Variants in RBMS3 observed in about 807,000 individuals in gnomAD.
RBMS3 encodes RNA-binding motif, single-stranded-interacting protein 3.
In RBMS3, 27 loss-of-function variants were observed where a neutral mutation model predicts 66.8. The ratio of observed to expected loss-of-function variants is 0.40; its 90% confidence interval spans 0.30 to 0.56. The LOEUF (loss-of-function observed/expected upper bound fraction) is 0.56, where lower values mean the gene tolerates loss of function less well. Among genes scored for constraint, RBMS3 ranks in the 20% least tolerant of loss-of-function variants. The pLI is 0.40. For synonymous variants in RBMS3, 188 were observed against 183.0 expected (o/e 1.03, Z -0.22); for missense variants, 513 against 549.5 (o/e 0.93, Z 0.66).
intron 4 of RBMS3, chr3:29,614,403 G>A (rs1044486691): frequency 2.6e-5 from 4 of 152,212 alleles, no homozygotes; most frequent in Admixed American, 6.5e-5. Flanking sequence ...TGTACAACAT[G>A]ATGATTATTG....
intron 2 of RBMS3, among the ~76,000 whole-genome samples, chr3:29,468,876 A>G (rs2042628104): frequency 6.6e-6 from 1 of 152,142 alleles, no homozygotes; most frequent in African/African-American, 2.4e-5. Flanking sequence ...TTTGAAAATG[A>G]GGATGCTCTC....
At chr3:29,418,325 A>G (rs904229660) in intron 1 of RBMS3, among the ~76,000 whole-genome samples, 3 of 152,124 alleles carry the variant, frequency 2.0e-5, no homozygotes, top group African/African-American at 7.2e-5. Context: ...TGGGTCCAGG[A>G]TAGAAACTGG....
At chr3:29,879,155 T>G (rs2059680681) in intron 7 of RBMS3, among the ~76,000 whole-genome samples, 2 of 152,246 alleles carry the variant, frequency 1.3e-5, no homozygotes, top group Non-Finnish European at 1.5e-5. Context: ...ATTTTTAGTT[T>G]TATTTCCAGT....
At chr3:29,627,006 T>C (rs1052510187) in intron 4 of RBMS3, among the ~76,000 whole-genome samples, 1 of 152,208 alleles carries the variant, frequency 6.6e-6, no homozygotes, top group African/African-American at 2.4e-5. Flanking sequence ...CTACCCTCGT[T>C]CTGTCACTTT....
intron 4 of RBMS3, among the ~76,000 whole-genome samples, chr3:29,705,869 A>G (rs1257816871): frequency 1.3e-5 from 2 of 152,216 alleles, no homozygotes; most frequent in Non-Finnish European, 2.9e-5. Context: ...GTCACTATTC[A>G]CGTAACAAAC....
intron 4 of RBMS3, chr3:29,696,939 G>GGTTTTTTTTA: frequency 1.0e-6 from 1 of 981,900 alleles, no homozygotes; most frequent in Non-Finnish European, 1.2e-6. Flanking sequence ...GGTCGTTTGG[G>GGTTTTTTTTA]TTTTTTTTAA....
intron 11 of RBMS3, among the ~76,000 whole-genome samples, chr3:29,936,856 T>C (rs930979372): frequency 6.6e-6 from 1 of 151,930 alleles, no homozygotes; most frequent in Non-Finnish European, 1.5e-5. Context: ...TAAGAAAAAC[T>C]TTGTTTGATT....
intron 3 of RBMS3, among the ~76,000 whole-genome samples, chr3:29,514,461 A>ACAT (rs1260530258): frequency 3.1e-4 from 47 of 151,926 alleles, no homozygotes; most frequent in African/African-American, 1.1e-3. Flanking sequence ...TAGTAACCTG[A>ACAT]CATTTAGCAC....
chr3:29,980,300 G>A (rs1697897569), intron 12 of RBMS3, among the ~76,000 whole-genome samples: 1 of 151,700 alleles, frequency 6.6e-6, no homozygotes, highest in Admixed American at 6.6e-5. Context: ...TCTTGTAAAT[G>A]TGTGTAAGTT....
intron 4 of RBMS3, among the ~76,000 whole-genome samples, chr3:29,628,265 A>G (rs565665884): frequency 6.6e-6 from 1 of 152,286 alleles, no homozygotes; most frequent in South Asian, 2.1e-4. Flanking sequence ...CAACAATTTA[A>G]AAAATGGGCT....
intron 4 of RBMS3, among the ~76,000 whole-genome samples, chr3:29,690,616 T>C (rs1220176052): frequency 6.6e-6 from 1 of 152,220 alleles, no homozygotes; most frequent in Non-Finnish European, 1.5e-5. Flanking sequence ...ATCTCTACAT[T>C]CATGTTGCCA....
At chr3:29,770,422 T>C (rs1408290846) in intron 6 of RBMS3, among the ~76,000 whole-genome samples, 2 of 152,010 alleles carry the variant, frequency 1.3e-5, no homozygotes, top group Non-Finnish European at 2.9e-5. Context: ...GACCATATTT[T>C]TTCTATAGTT....
At chr3:29,735,127 C>T (rs1288387132) in intron 4 of RBMS3, among the ~76,000 whole-genome samples, 1 of 152,080 alleles carries the variant, frequency 6.6e-6, no homozygotes, top group East Asian at 1.9e-4. Flanking sequence ...CCAGACGTAA[C>T]CTTTGATCTA....
At chr3:29,897,247 C>T (rs1023394139) in intron 8 of RBMS3, 132 bp from the exon 9 acceptor site, 19 of 716,364 alleles carry the variant, frequency 2.7e-5, no homozygotes, top group Middle Eastern at 2.5e-4. Context: ...ATCTCCTAGA[C>T]GTTCTTGTTA....
intron 5 of RBMS3, among the ~76,000 whole-genome samples, chr3:29,761,129 C>T (rs2055667784): frequency 6.6e-6 from 1 of 152,046 alleles, no homozygotes; most frequent in African/African-American, 2.4e-5. Flanking sequence ...AACAGCAGAA[C>T]TTTAAACCAA....
intron 6 of RBMS3, among the ~76,000 whole-genome samples, chr3:29,857,770 C>T (rs543595481): frequency 1.4e-4 from 22 of 152,078 alleles, no homozygotes; most frequent in African/African-American, 4.1e-4. Flanking sequence ...CTCAATCAGA[C>T]GAGATCGGGC....
rs2040774813 is a variant in RBMS3, at chr3:29,422,282, T to A, written c.76-12461T>A. Among the ~76,000 whole-genome samples the A allele has an allele frequency of 2.0e-5, 3 of 152,102 alleles. No individual in the cohort carries two copies. The South Asian group carries it at 6.2e-4, about 32-fold the overall frequency. ...AGGGCAAATGCCCTTTAACTGCCAG[T>A]CTCTGAAGCTCAATTACTTCTTTAA... On this transcript the variant is annotated intron_variant, in intron 1 of 14. Transcript: ENST00000383767.
intron 2 of RBMS3, among the ~76,000 whole-genome samples, chr3:29,471,610 G>A (rs1288426144): frequency 6.6e-6 from 1 of 151,538 alleles, no homozygotes; most frequent in African/African-American, 2.4e-5. Context: ...CCTGGTAATA[G>A]AATCAGGCTT....
intron 4 of RBMS3, among the ~76,000 whole-genome samples, chr3:29,650,787 A>G (rs2050118424): frequency 6.6e-6 from 1 of 152,196 alleles, no homozygotes; most frequent in Non-Finnish European, 1.5e-5. Flanking sequence ...TATGTTAGCT[A>G]AAAGTACCCA....
Sources: allele counts gnomAD v4.1 joint callset (sites outside exome capture counted in the v4.1 genomes callset), GRCh38; gene constraint gnomAD v4.1.1; transcripts MANE v1.5; gene names NCBI Gene and HGNC (gene_info 2026-07-23, HGNC 2026-07-21).